Variants in YTHDF2 observed in about 807,000 individuals in gnomAD.
YTHDF2 encodes the protein YTH N6-methyladenosine RNA binding protein F2, also known as YTH domain-containing family protein 2.
Under a neutral mutation model 50.4 loss-of-function variants are expected in YTHDF2, and 2 were observed. The ratio of observed to expected loss-of-function variants is 0.04; its 90% CI spans 0.02 to 0.12. The LOEUF is 0.12. Ranked by LOEUF, YTHDF2 falls within the 10% of genes least tolerant of loss-of-function variation. The pLI, the probability that YTHDF2 is intolerant of heterozygous loss-of-function variation, is 1.00. For synonymous variants in YTHDF2, 217 were observed against 255.6 expected (o/e 0.85, Z 1.44); for missense variants, 483 against 722.6 (o/e 0.67, Z 3.80).
intron 4 of YTHDF2, among the ~76,000 whole-genome samples, chr1:28,760,726 G>A (rs1012345602): frequency 4.6e-5 from 7 of 151,918 alleles, no homozygotes; most frequent in Admixed American, 6.6e-5. Flanking sequence ...GACTACAGCC[G>A]CGTGCCACTA....
intron 4 of YTHDF2, among the ~76,000 whole-genome samples, chr1:28,754,931 C>G (rs149772770): frequency 7.6e-6 from 1 of 131,674 alleles, no homozygotes. Context: ...GAGCCGAGAT[C>G]GCAACACTGC....
chr1:28,747,803 G>T (rs963629245), intron 4 of YTHDF2, among the ~76,000 whole-genome samples: 2 of 151,264 alleles, frequency 1.3e-5, no homozygotes, highest in African/African-American at 4.9e-5. Flanking sequence ...CTTCTGTCAG[G>T]TTACTTTTTA....
chr1:28,752,825 C>T (rs764595900), intron 4 of YTHDF2, among the ~76,000 whole-genome samples: 1 of 151,842 alleles, frequency 6.6e-6, no homozygotes, highest in Non-Finnish European at 1.5e-5. Context: ...GGAGGATTGC[C>T]TGAGCTCAGG....
Position 28,743,629 on chromosome 1 carries a change from C to A in YTHDF2, c.1359C>A (p.Gly453=), listed in dbSNP as rs781426875. 2 of 1,614,140 alleles carry A rather than the reference C, an allele frequency of 1.2e-6. No homozygotes were observed. The highest frequency in any genetic ancestry group is 1.7e-6 in the Non-Finnish European group (2 of 1,180,020). Reference sequence around the variant, plus strand: ...CTTATCGTTCCATGAACGGGAAAGGCCCCGTTTACTTACTTTTCAGTGTCA... The same window carrying A: ...CTTATCGTTCCATGAACGGGAAAGGACCCGTTTACTTACTTTTCAGTGTCA... ...DAAYRSMNGK[G]PVYLLFSVNG... is the part of the protein sequence containing the mutation. The change falls in exon 4 of 5, where the codon GGC becomes GGA. Residue 453 remains glycine, a synonymous_variant. Coordinates refer to ENST00000373812, the MANE Select transcript of YTHDF2 (RefSeq NM_016258.3). The surrounding 1 kb of genome is among the most constrained non-coding windows in gnomAD (Gnocchi z 6.9).
At chr1:28,736,900 G>A (rs553877304), upstream of YTHDF2, 3 of 531,744 alleles carry the variant, frequency 5.6e-6, no homozygotes, top group East Asian at 1.1e-4. Flanking sequence ...GGGCGGGCGC[G>A]CGCGTAAAAG....
At chr1:28,762,260 C>T (rs552120159) in intron 4 of YTHDF2, among the ~76,000 whole-genome samples, 3 of 152,174 alleles carry the variant, frequency 2.0e-5, no homozygotes, top group Admixed American at 6.5e-5. Context: ...GGCATGGTGG[C>T]GGGCACCTGT....
intron 4 of YTHDF2, among the ~76,000 whole-genome samples, chr1:28,755,053 G>C (rs1263440153): frequency 6.6e-6 from 1 of 151,934 alleles, no homozygotes; most frequent in African/African-American, 2.4e-5. Context: ...AAGATGATGA[G>C]GGCCTGAACC....
At chr1:28,763,487 C>T (rs1310940515) in intron 4 of YTHDF2, among the ~76,000 whole-genome samples, 3 of 151,560 alleles carry the variant, frequency 2.0e-5, no homozygotes, top group African/African-American at 7.3e-5. Context: ...ATGGAATCTC[C>T]CTCTGTTGCT....
intron 4 of YTHDF2, among the ~76,000 whole-genome samples, chr1:28,745,715 T>TCCC (rs2087847349): frequency 1.4e-4 from 7 of 51,782 alleles, no homozygotes; most frequent in Admixed American, 2.5e-4. Flanking sequence ...TAAACTCCCA[T>TCCC]CTCCCCCCGC....
chr1:28,758,097 C>A (rs922464572), intron 4 of YTHDF2, among the ~76,000 whole-genome samples: 11 of 152,272 alleles, frequency 7.2e-5, no homozygotes, highest in African/African-American at 2.4e-4. Context: ...CATGCTATAT[C>A]TTCATACTTA....
chr1:28,765,883 A>C (rs537311254), intron 4 of YTHDF2, among the ~76,000 whole-genome samples: 1 of 152,158 alleles, frequency 6.6e-6, no homozygotes, highest in Non-Finnish European at 1.5e-5. Flanking sequence ...CTTTTCTCCT[A>C]GGTATTTTAG....
intron 4 of YTHDF2, among the ~76,000 whole-genome samples, chr1:28,760,444 G>A (rs2088104818): frequency 6.6e-6 from 1 of 151,868 alleles, no homozygotes; most frequent in African/African-American, 2.4e-5. Context: ...ACAGGCGCCC[G>A]CCACCAAACC....
At chr1:28,757,901 C>T (rs2088058689) in intron 4 of YTHDF2, among the ~76,000 whole-genome samples, 1 of 151,990 alleles carries the variant, frequency 6.6e-6, no homozygotes, top group Admixed American at 6.6e-5. Flanking sequence ...CATATTTAGG[C>T]ATTTGCTGGA....
At position 28,743,004 on chromosome 1, in the gene YTHDF2, A is replaced by G. The variant is rs2124629935; in HGVS notation, c.734A>G (p.Lys245Arg). The G allele has an allele frequency of 6.2e-7, 1 of 1,614,202 alleles. No homozygotes were observed. The highest frequency in any genetic ancestry group is 1.1e-5 in the South Asian group (1 of 91,086). Reference sequence around the variant, plus strand: ...GCATCTTGGGCTGATATTGCTAGCAAGCCTGCAAAACAGCAACCTAAACTG... The same window carrying G: ...GCATCTTGGGCTGATATTGCTAGCAGGCCTGCAAAACAGCAACCTAAACTG... ...KPASWADIAS[K>R]PAKQQPKLKT... Residue 245 changes from lysine to arginine, a missense_variant, in exon 4 of 5, where the codon AAG becomes AGG. Coordinates refer to ENST00000373812, the MANE Select transcript of YTHDF2 (RefSeq NM_016258.3). This position sits in a 1 kb window ranked among gnomAD's most constrained non-coding sequence, Gnocchi z 6.9.
At chr1:28,768,507 T>G (rs530795253) in intron 4 of YTHDF2, among the ~76,000 whole-genome samples, 2 of 152,228 alleles carry the variant, frequency 1.3e-5, no homozygotes, top group South Asian at 2.1e-4. Flanking sequence ...TGAGGACTTA[T>G]GAGTATGTCC....
chr1:28,760,532 T>C (rs2124200776), intron 4 of YTHDF2, among the ~76,000 whole-genome samples: 1 of 152,190 alleles, frequency 6.6e-6, no homozygotes, highest in Admixed American at 6.5e-5. Flanking sequence ...CCTGACTTTG[T>C]GATCCACCTG....
In YTHDF2 at chr1:28,749,179, C is replaced by CTTTTTTT. The variant is rs60729215; in HGVS notation, c.1716+5210_1716+5216dup. On this transcript the variant is annotated intron_variant, in intron 4 of 4. Coordinates refer to ENST00000373812, the MANE Select transcript of YTHDF2 (RefSeq NM_016258.3). ...AACAGTTAAGAGCCTTTCTTTCTTC[C>CTTTTTTT]TTTTTTTTTTTTTTTTTTTTTTTGA... 1.4e-4 allele frequency among the ~76,000 whole-genome samples: 15 copies of CTTTTTTT among 107,418 alleles called. 1 individual carries two copies. Among genetic ancestry groups the CTTTTTTT allele is most frequent in the African/African-American group, 3.0e-4 (8 of 26,796 alleles). The allele number at this position is 107,418 out of a possible 152,430, so 70.5% of individuals were successfully genotyped here.
rs200930096 is a variant in YTHDF2, at chr1:28,742,615, A to G, written c.345A>G (p.Pro115=). 8.2e-5 allele frequency: 133 copies of G among 1,613,878 alleles called. No individual in the cohort carries two copies. In the East Asian group the frequency reaches 2.9e-3, roughly 35 times the overall value. Residue 115 remains proline (P), a synonymous_variant, in exon 4 of 5, where the codon CCA becomes CCG. Coordinates refer to ENST00000373812, the MANE Select transcript of YTHDF2 (RefSeq NM_016258.3). ...FGQPGALGST[P]FLGQHGFNFF... ...AACCAGGAGCCCTAGGTAGCACTCC[A>G]TTTCTTGGTCAGCATGGTTTTAATT...
intron 4 of YTHDF2, among the ~76,000 whole-genome samples, chr1:28,761,926 T>C (rs1379433993): frequency 6.6e-6 from 1 of 152,186 alleles, no homozygotes; most frequent in Non-Finnish European, 1.5e-5. Flanking sequence ...TGGGGGAAGT[T>C]AGCATCTTAA....
Sources: gnomAD v4.1 joint callset for allele counts (sites outside exome capture counted in the v4.1 genomes callset) on GRCh38, gnomAD v4.1.1 for gene constraint, Gnocchi (gnomAD v3.1) non-coding constraint, MANE v1.5 for transcripts, NCBI Gene and HGNC (gene_info 2026-07-23, HGNC 2026-07-21) for gene names.